Variants in TRAM2 observed in about 807,000 individuals in gnomAD.
TRAM2 encodes translocation associated membrane protein 2, also known as translocating chain-associated membrane protein 2.
A neutral mutation model predicts 51.0 loss-of-function variants in TRAM2; 12 were observed. The observed-to-expected ratio is 0.24, with a 90% CI of 0.15 to 0.38. The LOEUF (loss-of-function observed/expected upper bound fraction) is 0.38. Ranked by LOEUF, TRAM2 falls within the 10% of genes least tolerant of loss-of-function variation. The pLI is 1.00. For missense variants in TRAM2, 361 were observed against 462.0 expected, an observed-to-expected ratio of 0.78 and a Z score of 2.00; for synonymous variants, 175 against 179.4, an observed-to-expected ratio of 0.98 and a Z score of 0.20.
chr6:52,549,790 C>T (rs1392835041), intron 1 of TRAM2, among the ~76,000 whole-genome samples: 2 of 152,162 alleles, frequency 1.3e-5, no homozygotes, highest in Non-Finnish European at 2.9e-5. Flanking sequence ...TTTAATGCGC[C>T]ATCACTTTAA....
intron 6 of TRAM2, 52 bp from the exon 7 acceptor site, chr6:52,507,675 T>C: frequency 6.3e-7 from 1 of 1,584,788 alleles, no homozygotes; most frequent in Non-Finnish European, 8.7e-7. Flanking sequence ...AACTGAAGAT[T>C]CAGGGAAGGG....
At chr6:52,555,170 T>G (rs983095087) in intron 1 of TRAM2, among the ~76,000 whole-genome samples, 2 of 152,236 alleles carry the variant, frequency 1.3e-5, no homozygotes, top group East Asian at 3.8e-4. Context: ...ATCTGTAAGA[T>G]CCAGGGTGCG....
intron 1 of TRAM2, among the ~76,000 whole-genome samples, chr6:52,571,894 A>G (rs2268706): frequency 2.6e-5 from 4 of 152,148 alleles, no homozygotes; most frequent in Admixed American, 2.6e-4. Flanking sequence ...TTAAGTGCCC[A>G]TGTGCCAGGT....
intron 2 of TRAM2, chr6:52,529,728 A>C (rs1009345756): frequency 6.6e-6 from 1 of 152,234 alleles, no homozygotes; most frequent in Non-Finnish European, 1.5e-5. Context: ...TTCAGCGTTA[A>C]GTGTTTCACC....
intron 2 of TRAM2, chr6:52,523,148 T>A: frequency 2.4e-6 from 1 of 412,504 alleles, no homozygotes; most frequent in East Asian, 3.6e-5. Flanking sequence ...TTGTAAAATT[T>A]TCTTCTATTG....
At chr6:52,558,855 G>A (rs1216822305) in intron 1 of TRAM2, among the ~76,000 whole-genome samples, 6 of 152,172 alleles carry the variant, frequency 3.9e-5, no homozygotes, top group African/African-American at 1.4e-4. Flanking sequence ...GGCTAGAGAT[G>A]TGGCCCCAAA....
At chr6:52,503,340 G>C (rs1158652873) in intron 10 of TRAM2, 70 bp from the exon 11 acceptor site, 5 of 1,467,482 alleles carry the variant, frequency 3.4e-6, no homozygotes, top group Middle Eastern at 3.5e-4. Flanking sequence ...GGGAGGGTGG[G>C]GCCAGGCCAA....
intron 2 of TRAM2, chr6:52,529,872 CTT>C (rs1431944266): frequency 6.6e-6 from 1 of 152,158 alleles, no homozygotes; most frequent in Admixed American, 6.5e-5. Flanking sequence ...AAGAATCAAA[CTT>C]TTCTTTTCTG....
chr6:52,555,320 A>G (rs1767386197), intron 1 of TRAM2, among the ~76,000 whole-genome samples: 2 of 144,900 alleles, frequency 1.4e-5, no homozygotes, highest in Admixed American at 1.5e-4. Context: ...CAGGCTTATC[A>G]CTAATCCAAA....
At chr6:52,512,195 G>A (rs1184941245) in intron 4 of TRAM2, among the ~76,000 whole-genome samples, 4 of 152,064 alleles carry the variant, frequency 2.6e-5, no homozygotes, top group Non-Finnish European at 5.9e-5. Context: ...AACAAGACTC[G>A]CCAAGAAAAG....
intron 9 of TRAM2, among the ~76,000 whole-genome samples, 160 bp from the exon 10 acceptor site, chr6:52,504,914 A>G (rs1325752420): frequency 6.6e-6 from 1 of 152,234 alleles, no homozygotes; most frequent in East Asian, 1.9e-4. Flanking sequence ...TATCACCAGG[A>G]AGAATGTGTG....
chr6:52,557,516 T>C (rs1337033824), intron 1 of TRAM2, among the ~76,000 whole-genome samples: 2 of 152,174 alleles, frequency 1.3e-5, no homozygotes, highest in East Asian at 1.9e-4. Context: ...TGTTATCTAG[T>C]TAAGTACAGG....
At chr6:52,562,440 G>C (rs1328838461) in intron 1 of TRAM2, among the ~76,000 whole-genome samples, 1 of 152,158 alleles carries the variant, frequency 6.6e-6, no homozygotes, top group Non-Finnish European at 1.5e-5. Context: ...ACGTCACAGA[G>C]GAGCTGAAAT....
chr6:52,514,275 G>A (rs1269356197), intron 4 of TRAM2, among the ~76,000 whole-genome samples: 1 of 152,184 alleles, frequency 6.6e-6, no homozygotes, highest in Admixed American at 6.5e-5. Flanking sequence ...AAAAAAACAA[G>A]CTGTTTTTAT....
chr6:52,533,585 A>C (rs982574254), intron 2 of TRAM2, among the ~76,000 whole-genome samples: 1 of 152,200 alleles, frequency 6.6e-6, no homozygotes, highest in African/African-American at 2.4e-5. Flanking sequence ...CAGATGAAGA[A>C]ACTGACTTGG....
At chr6:52,508,606 T>G (rs1327666733) in intron 5 of TRAM2, among the ~76,000 whole-genome samples, 1 of 152,134 alleles carries the variant, frequency 6.6e-6, no homozygotes. Context: ...CCTTCAGCCT[T>G]GAGGAGGGAG....
At chr6:52,515,601 T>G (rs1393573412) in intron 4 of TRAM2, among the ~76,000 whole-genome samples, 1 of 152,232 alleles carries the variant, frequency 6.6e-6, no homozygotes, top group Non-Finnish European at 1.5e-5. Flanking sequence ...ACAGGCATAC[T>G]GCAAAATTTG....
chr6:52,565,140 G>T (rs971414914), intron 1 of TRAM2, among the ~76,000 whole-genome samples: 5 of 152,148 alleles, frequency 3.3e-5, no homozygotes, highest in African/African-American at 1.2e-4. Flanking sequence ...CTTTAGGCGG[G>T]CATCTTGGAA....
chr6:52,536,059 ACTGG>A (rs1339361121), intron 1 of TRAM2, among the ~76,000 whole-genome samples: 1 of 152,196 alleles, frequency 6.6e-6, no homozygotes, highest in Non-Finnish European at 1.5e-5. Flanking sequence ...TGGTATCTAG[ACTGG>A]TACTCACTGC....
Sources: gnomAD v4.1 joint callset for allele counts (sites outside exome capture counted in the v4.1 genomes callset) on GRCh38, gnomAD v4.1.1 for gene constraint, MANE v1.5 for transcripts, NCBI Gene and HGNC (gene_info 2026-07-23, HGNC 2026-07-21) for gene names.